The following LTN1 variants were observed in gnomAD, a reference collection of about 807,000 sequenced individuals.
LTN1 encodes listerin E3 ubiquitin protein ligase 1, also known as E3 ubiquitin-protein ligase listerin.
LTN1 carries 88 observed loss-of-function variants against 201.2 expected under a neutral mutation model. That is an observed-to-expected ratio of 0.44 (90% CI 0.37 to 0.52). The LOEUF (loss-of-function observed/expected upper bound fraction) is 0.52. Among genes scored for constraint, LTN1 ranks in the 20% least tolerant of loss-of-function variants. The pLI is 0.00. For synonymous variants in LTN1, 645 were observed against 713.5 expected (o/e 0.90, Z 1.53); for missense variants, 1,752 against 2,038.7 (o/e 0.86, Z 2.71).
intron 10 of LTN1, among the ~76,000 whole-genome samples, chr21:28,966,109 C>T (rs1324221670): frequency 6.6e-6 from 1 of 152,138 alleles, no homozygotes; most frequent in Non-Finnish European, 1.5e-5. Flanking sequence ...CCCATGTAAC[C>T]AATACAAAAC....
In LTN1 at chr21:28,986,255, A is replaced by T. The variant is rs1391778240; in HGVS notation, c.247-18T>A. 7.1e-7 allele frequency: 1 copy of T among 1,404,458 alleles called. No homozygotes were observed. Among genetic ancestry groups the T allele is most frequent in the South Asian group, 1.2e-5 (1 of 85,672 alleles). The allele number at this position is 1,404,458 out of a possible 1,614,324, so 87.0% of individuals were successfully genotyped here. On this transcript the variant is annotated intron_variant, in intron 2 of 29. Transcript: ENST00000361371. The surrounding 1 kb of genome is among the most constrained non-coding windows in gnomAD (Gnocchi z 4.1). Reference sequence around the variant, plus strand: ...TGCATAGCCTAAAAGTAAGTTATTAACATCATTAGGATTAACAACCATAAT... The same window carrying T: ...TGCATAGCCTAAAAGTAAGTTATTATCATCATTAGGATTAACAACCATAAT...
intron 6 of LTN1, among the ~76,000 whole-genome samples, chr21:28,977,705 C>T (rs2084627310): frequency 1.3e-5 from 2 of 149,814 alleles, no homozygotes; most frequent in African/African-American, 2.5e-5. Flanking sequence ...TCCAAGTGAC[C>T]GAGTGAAACT....
At chr21:28,956,078 T>C (rs1251448112) in intron 16 of LTN1, among the ~76,000 whole-genome samples, 1 of 151,954 alleles carries the variant, frequency 6.6e-6, no homozygotes, top group Non-Finnish European at 1.5e-5. Context: ...GTGGATCTCA[T>C]GAAGATAGAA....
rs1568840733 is a variant in LTN1 at position 28,952,278 on chromosome 21, G to A, written c.3240-14C>T. ...TGTTCTCTGGACCTGAAAAAGGAAA[G>A]AAAAAAATTATATTCCGTTTTGAAA... On this transcript the variant is annotated splice_polypyrimidine_tract_variant and intron_variant, in intron 17 of 29. Coordinates refer to ENST00000361371, the MANE Select transcript of LTN1 (RefSeq NM_015565.3). The A allele has an allele frequency of 1.4e-6, 2 of 1,460,176 alleles. No homozygotes were observed. The highest frequency in any genetic ancestry group is 2.0e-5 in the Admixed American group (1 of 50,526). 90.5% of individuals were successfully genotyped at this position (1,460,176 alleles called of 1,614,324 possible). A position where few individuals can be genotyped will look rare whatever the true frequency, so the allele number is the denominator to read the frequency against.
intron 17 of LTN1, among the ~76,000 whole-genome samples, chr21:28,952,944 A>G (rs1368742437): frequency 6.6e-6 from 1 of 152,238 alleles, no homozygotes; most frequent in African/African-American, 2.4e-5. Flanking sequence ...AGATAAATCA[A>G]AACAACTTCT....
chr21:28,969,461 G>C lies in LTN1; in HGVS notation c.1311+5C>G. ...AGAGACTGACGACTTTTACATTATA[G>C]ATACCTGATCATTGACGAGCATCTG... On this transcript the variant is annotated splice_donor_5th_base_variant and intron_variant, in intron 9 of 29. Coordinates refer to ENST00000361371, the MANE Select transcript of LTN1 (RefSeq NM_015565.3). 1.2e-6 allele frequency: 2 copies of C among 1,606,776 alleles called. No individual in the cohort carries two copies. Among genetic ancestry groups the C allele is most frequent in the South Asian group, 1.1e-5 (1 of 89,648 alleles).
At chr21:28,990,998 G>A (rs148693112) in intron 1 of LTN1, among the ~76,000 whole-genome samples, 54 of 152,248 alleles carry the variant, frequency 3.5e-4, no homozygotes, top group African/African-American at 8.9e-4. Flanking sequence ...TAAGCTAGCC[G>A]TGATGGCCTG....
intron 18 of LTN1, among the ~76,000 whole-genome samples, chr21:28,948,987 T>C (rs891780308): frequency 6.6e-6 from 1 of 152,246 alleles, no homozygotes; most frequent in Non-Finnish European, 1.5e-5. Flanking sequence ...AATCAACTTA[T>C]ACTTTCACCA....
intron 23 of LTN1, 82 bp from the exon 24 acceptor site, chr21:28,943,418 T>C: frequency 3.7e-6 from 3 of 807,202 alleles, no homozygotes; most frequent in Non-Finnish European, 6.2e-6. Flanking sequence ...GACCAATACT[T>C]ATTTTATAAT....
chr21:28,991,439 C>T (rs2084745076), intron 1 of LTN1, among the ~76,000 whole-genome samples: 1 of 152,080 alleles, frequency 6.6e-6, no homozygotes, highest in Admixed American at 6.6e-5. Flanking sequence ...TAGAAAATGG[C>T]ATTGTTTTTA....
At chr21:28,976,684 T>A (rs2084617778) in intron 6 of LTN1, among the ~76,000 whole-genome samples, 1 of 152,076 alleles carries the variant, frequency 6.6e-6, no homozygotes, top group African/African-American at 2.4e-5. Flanking sequence ...TTTCTCCATA[T>A]TGGTCTATAA....
chr21:28,936,811 T>TTGTAAA, intron 25 of LTN1, 114 bp from the exon 26 acceptor site: 1 of 724,072 alleles, frequency 1.4e-6, no homozygotes, highest in Non-Finnish European at 2.3e-6. Context: ...AGACATTCTA[T>TTGTAAA]CCCCTCATTA....
rs1450445348 is a variant in LTN1, at chr21:28,982,361, T to C, written c.584A>G (p.Gln195Arg). 1.2e-6 allele frequency: 2 copies of C among 1,613,390 alleles called. No homozygotes were observed. The highest frequency in any genetic ancestry group is 2.7e-5 in the African/African-American group (2 of 74,914). Reference sequence around the variant, plus strand: ...AGGTGTTTCTTTTATAAGATGATCCTGCAGCACCTACAAAGGGGGGAAATA... The same window carrying C: ...AGGTGTTTCTTTTATAAGATGATCCCGCAGCACCTACAAAGGGGGGAAATA... ...FCKDEITSVL[Q>R]DHLIKETPDT... Residue 195 changes from glutamine to arginine, a missense_variant, in exon 5 of 30, where the codon CAG (glutamine) becomes CGG (arginine). Physicochemically the swap from Gln to Arg is conservative, Grantham distance 43. This residue lies in a region of LTN1 where 280 missense variants were observed against 375.7 expected (regional missense o/e 0.75). Coordinates refer to ENST00000361371, the MANE Select transcript of LTN1 (RefSeq NM_015565.3).
Position 28,930,284 on chromosome 21 carries a change from T to G in LTN1, c.*164A>C. On this transcript the variant is annotated 3_prime_UTR_variant, in exon 30 of 30. Transcript: ENST00000361371. ...ATTTACAAAGCAATCTAAAGTTAAG[T>G]AAACCTGATTTTAGGATTATTACAT... 4.4e-6 allele frequency: 2 copies of G among 449,894 alleles called. No individual in the cohort carries two copies. Among genetic ancestry groups the G allele is most frequent in the Non-Finnish European group, 8.0e-6 (2 of 248,806 alleles). 27.9% of individuals were successfully genotyped at this position (449,894 alleles called of 1,614,324 possible). A position where few individuals can be genotyped will look rare whatever the true frequency, so the allele number is the denominator to read the frequency against.
chr21:28,962,754 A>C (rs1006283357), intron 11 of LTN1, among the ~76,000 whole-genome samples: 3 of 152,254 alleles, frequency 2.0e-5, no homozygotes, highest in African/African-American at 7.2e-5. Flanking sequence ...AAGCCAAGAC[A>C]GGTGGAAAAC....
intron 1 of LTN1, among the ~76,000 whole-genome samples, chr21:28,987,617 TAGTC>T (rs1383165124): frequency 2.6e-5 from 4 of 152,240 alleles, no homozygotes; most frequent in Non-Finnish European, 5.9e-5. Context: ...TTTTGAATCA[TAGTC>T]AGTGGTTTCT....
chr21:28,942,918 A>T (rs2084308402), intron 24 of LTN1, among the ~76,000 whole-genome samples: 1 of 152,240 alleles, frequency 6.6e-6, no homozygotes, highest in Admixed American at 6.5e-5. Context: ...GAAAGTGCTC[A>T]CTAAACACTG....
chr21:28,973,371 A>G (rs1555846807), intron 6 of LTN1, among the ~76,000 whole-genome samples: 7 of 150,764 alleles, frequency 4.6e-5, no homozygotes. Context: ...AAAAAAAAGA[A>G]TGAGGGCAAA....
At chr21:28,961,979 C>G (rs1466994884) in intron 11 of LTN1, among the ~76,000 whole-genome samples, 1 of 152,064 alleles carries the variant, frequency 6.6e-6, no homozygotes, top group Non-Finnish European at 1.5e-5. Flanking sequence ...CAACTGCACT[C>G]CAGCCTGCTG....
Sources: gnomAD v4.1 joint callset for allele counts (sites outside exome capture counted in the v4.1 genomes callset) on GRCh38, gnomAD v4.1.1 for gene constraint, gnomAD v4.1.1 regional missense constraint, Gnocchi (gnomAD v3.1) non-coding constraint, MANE v1.5 for transcripts, NCBI Gene and HGNC (gene_info 2026-07-23, HGNC 2026-07-21) for gene names.